Variants in JAK1 observed in about 807,000 individuals in gnomAD.
JAK1 encodes Janus kinase 1, also known as tyrosine-protein kinase JAK1.
Under a neutral mutation model 136.6 loss-of-function variants are expected in JAK1, and 16 were observed. The ratio of observed to expected loss-of-function variants is 0.12; its 90% CI spans 0.08 to 0.18. The LOEUF (loss-of-function observed/expected upper bound fraction) is 0.18. Ranked by LOEUF, JAK1 falls within the 10% of genes least tolerant of loss-of-function variation. The pLI is 1.00. For missense variants in JAK1, 859 were observed against 1,450.1 expected (o/e 0.59, Z 6.62); for synonymous variants, 492 against 519.5 (o/e 0.95, Z 0.72).
chr1:64,894,634 G>A (rs552436970), intron 1 of JAK1, among the ~76,000 whole-genome samples: 18 of 152,044 alleles, frequency 1.2e-4, no homozygotes, highest in Admixed American at 2.6e-4. Flanking sequence ...AAGGTTAGCC[G>A]GGCGTGGTGG....
At chr1:64,875,327 T>C (rs1426513681) in intron 4 of JAK1, among the ~76,000 whole-genome samples, 13 of 152,174 alleles carry the variant, frequency 8.5e-5, no homozygotes, top group Admixed American at 8.5e-4. Flanking sequence ...CAGGCACATA[T>C]GAGGCACGCT....
chr1:65,001,547 C>A (rs1277967529), intron 2 of JAK1, among the ~76,000 whole-genome samples: 1 of 151,626 alleles, frequency 6.6e-6, no homozygotes, highest in African/African-American at 2.4e-5. Context: ...TGCATGTGTG[C>A]GTGTGTGTGT....
intron 22 of JAK1, among the ~76,000 whole-genome samples, chr1:64,837,414 T>C (rs957188683): frequency 6.6e-6 from 1 of 152,174 alleles, no homozygotes; most frequent in Admixed American, 6.5e-5. Flanking sequence ...CTGGACAGTG[T>C]TCCCGGCTGA....
At chr1:65,046,766 T>C (rs899509164) in intron 1 of JAK1, among the ~76,000 whole-genome samples, 1 of 151,760 alleles carries the variant, frequency 6.6e-6, no homozygotes, top group African/African-American at 2.4e-5. Flanking sequence ...GTCAGGCTGG[T>C]GTCGAACTCC....
chr1:65,059,642 T>C (rs1041134540), intron 1 of JAK1, among the ~76,000 whole-genome samples: 7 of 152,204 alleles, frequency 4.6e-5, no homozygotes, highest in South Asian at 4.1e-4. Context: ...GATTCTTCCT[T>C]TTAATAAAAA....
At chr1:65,005,204 C>T (rs1646793992) in intron 2 of JAK1, among the ~76,000 whole-genome samples, 1 of 152,076 alleles carries the variant, frequency 6.6e-6, no homozygotes, top group Admixed American at 6.6e-5. Flanking sequence ...ATTAGCAGGG[C>T]ATGGTGGCAC....
At chr1:64,859,857 G>A (rs1056761555) in intron 9 of JAK1, 1 of 322,026 alleles carries the variant, frequency 3.1e-6, no homozygotes, top group East Asian at 4.6e-5. Flanking sequence ...CTATGGAGAG[G>A]TGAGGGGGTT....
chr1:64,915,155 G>A (rs7527109), intron 1 of JAK1, among the ~76,000 whole-genome samples: 1 of 152,038 alleles, frequency 6.6e-6, no homozygotes, highest in Non-Finnish European at 1.5e-5. Flanking sequence ...AGATTGAACA[G>A]AAATACCCAA....
intron 1 of JAK1, among the ~76,000 whole-genome samples, chr1:64,943,669 C>T (rs190154758): frequency 6.6e-6 from 1 of 152,096 alleles, no homozygotes; most frequent in African/African-American, 2.4e-5. Context: ...TCAAACATGA[C>T]ACCAAAAGCA....
intron 1 of JAK1, chr1:65,067,493 T>A (rs1173113674): frequency 2.1e-5 from 3 of 145,438 alleles, no homozygotes; most frequent in Admixed American, 1.4e-4. Context: ...ACGTCCACAC[T>A]CTGCGCCCCG....
At chr1:64,848,319 A>G (rs765710700) in intron 12 of JAK1, among the ~76,000 whole-genome samples, 23 of 152,208 alleles carry the variant, frequency 1.5e-4, no homozygotes, top group Non-Finnish European at 3.2e-4. Flanking sequence ...TGGCACAGGT[A>G]GGCACAGTTT....
rs759154184 is a variant in JAK1 at position 64,855,590 on chromosome 1, T to C, written c.1567A>G (p.Met523Val). 1 of 1,614,172 alleles carries C rather than the reference T, an allele frequency of 6.2e-7. No individual in the cohort carries two copies. Among genetic ancestry groups the C allele is most frequent in the Non-Finnish European group, 8.5e-7 (1 of 1,180,018 alleles). ...AGGATCTGCTTCTTGAGGTGGCTCATGAGGTCTCCCAAGCTGGGGAAGCTG... is the reference window on the plus strand; with the variant it reads ...AGGATCTGCTTCTTGAGGTGGCTCACGAGGTCTCCCAAGCTGGGGAAGCTG... ...DRSFPSLGDL[M>V]SHLKKQILRT... is the part of the protein sequence containing the mutation. Residue 523 changes from methionine (M) to valine (V), a missense_variant, in exon 11 of 25, where the codon ATG (methionine) becomes GTG (valine). This residue lies in a region of JAK1 where 409 missense variants were observed against 753.8 expected (regional missense o/e 0.54). Coordinates refer to ENST00000342505, the MANE Select transcript of JAK1 (RefSeq NM_002227.4).
At chr1:64,951,174 T>C (rs1223445578) in intron 1 of JAK1, among the ~76,000 whole-genome samples, 3 of 152,110 alleles carry the variant, frequency 2.0e-5, no homozygotes, top group African/African-American at 7.2e-5. Context: ...CAAGAAGAAA[T>C]TCGTTTGACT....
At chr1:64,865,267 G>C (rs570381042) in intron 7 of JAK1, among the ~76,000 whole-genome samples, 1 of 152,294 alleles carries the variant, frequency 6.6e-6, no homozygotes, top group East Asian at 1.9e-4. Context: ...CTGCTCACTA[G>C]ACATGCATCT....
At chr1:64,960,373 G>T (rs955056423) in intron 1 of JAK1, among the ~76,000 whole-genome samples, 13 of 152,148 alleles carry the variant, frequency 8.5e-5, no homozygotes, top group African/African-American at 3.1e-4. Flanking sequence ...AAGGAAACAG[G>T]CGTAACTTGC....
At chr1:65,066,081 A>G (rs1207948375) in intron 1 of JAK1, among the ~76,000 whole-genome samples, 1 of 152,144 alleles carries the variant, frequency 6.6e-6, no homozygotes, top group East Asian at 1.9e-4. Flanking sequence ...ACTAACTAAG[A>G]ACCCTGGAGA....
intron 2 of JAK1, among the ~76,000 whole-genome samples, chr1:65,017,449 C>G (rs1557759773): frequency 6.6e-6 from 1 of 152,058 alleles, no homozygotes; most frequent in African/African-American, 2.4e-5. Flanking sequence ...GCCTGGGCAA[C>G]AGAGAGAGAC....
chr1:65,016,724 C>G (rs745440745), intron 2 of JAK1, among the ~76,000 whole-genome samples: 1 of 152,064 alleles, frequency 6.6e-6, no homozygotes, highest in Non-Finnish European at 1.5e-5. Context: ...AGTGTGAAAC[C>G]CTGTCTCTAC....
At chr1:64,934,175 A>G (rs1645747036) in intron 1 of JAK1, among the ~76,000 whole-genome samples, 1 of 152,236 alleles carries the variant, frequency 6.6e-6, no homozygotes, top group African/African-American at 2.4e-5. Context: ...CTGGTCACCA[A>G]TTGGGATCAG....
Sources: allele counts gnomAD v4.1 joint callset (sites outside exome capture counted in the v4.1 genomes callset), GRCh38; gene constraint gnomAD v4.1.1; regional missense constraint gnomAD v4.1.1; transcripts MANE v1.5; gene names NCBI Gene and HGNC (gene_info 2026-07-23, HGNC 2026-07-21).